The following GRIK2 variants were observed in gnomAD, a reference collection of about 807,000 sequenced individuals.
The protein encoded by GRIK2 is glutamate ionotropic receptor kainate type subunit 2.
A neutral mutation model predicts 100.3 loss-of-function variants in GRIK2; 32 were observed. That is an observed-to-expected ratio of 0.32 (90% confidence interval 0.24 to 0.43). GRIK2 has a LOEUF of 0.43. Ranked by LOEUF, GRIK2 falls within the 20% of genes least tolerant of loss-of-function variation. The pLI is 1.00. For missense variants in GRIK2, 843 were observed against 1,114.9 expected, an observed-to-expected ratio of 0.76 and a Z score of 3.47; for synonymous variants, 417 against 389.4, an observed-to-expected ratio of 1.07 and a Z score of -0.83.
At chr6:101,974,511 C>T (rs780828094) in intron 14 of GRIK2, among the ~76,000 whole-genome samples, 1 of 152,114 alleles carries the variant, frequency 6.6e-6, no homozygotes, top group Non-Finnish European at 1.5e-5. Flanking sequence ...AAAGGATTGG[C>T]TCACACAATT....
chr6:102,035,495 A>G lies in GRIK2; in HGVS notation c.2240A>G (p.Gln747Arg). Residue 747 changes from glutamine to arginine, a missense_variant, in exon 15 of 17, where the codon CAG becomes CGG. Transcript: ENST00000369134. ...MESTTIEFVT[Q>R]RNCNLTQIGG... ...TCAACAACCATCGAGTTTGTTACCC[A>G]GCGGAACTGTAACCTGACACAGATT... 6.2e-7 allele frequency: 1 copy of G among 1,610,230 alleles called. No homozygotes were observed. The highest frequency in any genetic ancestry group is 1.1e-5 in the South Asian group (1 of 90,990).
At chr6:101,701,527 TAAATC>T (rs988709276) in intron 7 of GRIK2, among the ~76,000 whole-genome samples, 7 of 152,224 alleles carry the variant, frequency 4.6e-5, no homozygotes, top group African/African-American at 1.7e-4. Context: ...ATTTTTTTAC[TAAATC>T]AAAAGGAAAA....
rs550173977 is a variant in GRIK2 at position 101,547,902 on chromosome 6, C to T, written c.116-74047C>T. Among the ~76,000 whole-genome samples, 545 of 152,254 alleles carry T rather than the reference C, an allele frequency of 3.6e-3. 2 individuals are homozygous for T. The highest frequency in any genetic ancestry group is 6.8e-3 in the Middle Eastern group (2 of 294). On this transcript the variant is annotated intron_variant, in intron 2 of 16. Coordinates refer to ENST00000369134, the MANE Select transcript of GRIK2 (RefSeq NM_021956.5). ...TCCCTGAGGAATTGCCACACTGACT[C>T]CCACAATGGTTGAACTAGTTTACAG...
At chr6:101,762,023 CTTTG>C (rs1206121586) in intron 7 of GRIK2, among the ~76,000 whole-genome samples, 14 of 88,958 alleles carry the variant, frequency 1.6e-4, no homozygotes, top group African/African-American at 2.6e-4. Flanking sequence ...CCTTTCTTTC[CTTTG>C]TTTGTTTCTT....
intron 14 of GRIK2, among the ~76,000 whole-genome samples, chr6:101,942,001 A>G (rs546398888): frequency 6.6e-6 from 1 of 152,106 alleles, no homozygotes; most frequent in Admixed American, 6.5e-5. Context: ...TTTTTTTTGT[A>G]TCTCTTACAG....
chr6:101,418,316 T>A (rs2128239617), intron 2 of GRIK2, among the ~76,000 whole-genome samples: 1 of 152,336 alleles, frequency 6.6e-6, no homozygotes, highest in East Asian at 1.9e-4. Context: ...TTTGTTGCTT[T>A]CTGGCAGTGG....
intron 14 of GRIK2, among the ~76,000 whole-genome samples, chr6:101,929,298 A>G (rs1444722260): frequency 6.6e-6 from 1 of 152,128 alleles, no homozygotes; most frequent in East Asian, 1.9e-4. Flanking sequence ...ACTGGGCCAA[A>G]GTAGACCAGT....
chr6:101,626,435 A>G lies in GRIK2; in HGVS notation c.339A>G (p.Ser113=). ...CCATCTTCGGGCCTTCACACAGCTCATCAGCAAACGCAGTGCAGTCCATCT... is the reference window on the plus strand; with the variant it reads ...CCATCTTCGGGCCTTCACACAGCTCGTCAGCAAACGCAGTGCAGTCCATCT... ...VAAIFGPSHS[S]SANAVQSICN... Residue 113 remains serine (S), a synonymous_variant, in exon 4 of 17, where the codon TCA becomes TCG. Coordinates refer to ENST00000369134, the MANE Select transcript of GRIK2 (RefSeq NM_021956.5). 1.2e-6 allele frequency: 2 copies of G among 1,613,758 alleles called. No individual in the cohort carries two copies. Among genetic ancestry groups the G allele is most frequent in the Non-Finnish European group, 1.7e-6 (2 of 1,179,806 alleles).
At chr6:102,011,605 G>T (rs1465330467) in intron 14 of GRIK2, among the ~76,000 whole-genome samples, 1 of 75,986 alleles carries the variant, frequency 1.3e-5, no homozygotes. Context: ...TTTTTTTGAG[G>T]CAGAGTCTCA....
chr6:102,030,104 A>C (rs1769906316), intron 14 of GRIK2, among the ~76,000 whole-genome samples: 1 of 151,290 alleles, frequency 6.6e-6, no homozygotes, highest in South Asian at 2.1e-4. Context: ...CAGAAAAACA[A>C]ATGCTGCATG....
At chr6:102,066,756 T>C (rs996085149) in intron 16 of GRIK2, among the ~76,000 whole-genome samples, 1 of 151,676 alleles carries the variant, frequency 6.6e-6, no homozygotes, top group African/African-American at 2.4e-5. Context: ...AGATTTGAGT[T>C]TGACTTGTTT....
At chr6:101,949,458 C>T (rs1171552409) in intron 14 of GRIK2, among the ~76,000 whole-genome samples, 1 of 152,060 alleles carries the variant, frequency 6.6e-6, no homozygotes, top group African/African-American at 2.4e-5. Flanking sequence ...GTGCTGCACC[C>T]ATCCAACCGT....
chr6:102,008,378 G>A (rs1202200649), intron 14 of GRIK2, among the ~76,000 whole-genome samples: 1 of 152,058 alleles, frequency 6.6e-6, no homozygotes, highest in Non-Finnish European at 1.5e-5. Context: ...GCTGTTTGAT[G>A]GAACCAATTT....
chr6:101,950,985 C>A (rs1439453097), intron 14 of GRIK2, among the ~76,000 whole-genome samples: 1 of 152,060 alleles, frequency 6.6e-6, no homozygotes, highest in Non-Finnish European at 1.5e-5. Context: ...AAAGTTTAAG[C>A]GTCATTGTAG....
intron 1 of GRIK2, among the ~76,000 whole-genome samples, 67 bp downstream of exon 1, chr6:101,393,904 G>A (rs191485996): frequency 3.3e-5 from 5 of 151,876 alleles, no homozygotes; most frequent in African/African-American, 1.2e-4. Context: ...TCAAGAGGAC[G>A]GGAGGGACTG....
intron 2 of GRIK2, among the ~76,000 whole-genome samples, chr6:101,561,146 C>T (rs1285581347): frequency 6.6e-6 from 1 of 152,080 alleles, no homozygotes; most frequent in Non-Finnish European, 1.5e-5. Context: ...AAAAAAGTCT[C>T]TTAGGAAGCT....
At chr6:101,911,933 A>G (rs148613661) in intron 12 of GRIK2, among the ~76,000 whole-genome samples, 3 of 151,552 alleles carry the variant, frequency 2.0e-5, no homozygotes, top group Non-Finnish European at 4.4e-5. Flanking sequence ...TTACCCTTGT[A>G]ATGTCTACCC....
intron 7 of GRIK2, among the ~76,000 whole-genome samples, chr6:101,691,812 G>A (rs940044677): frequency 1.3e-5 from 2 of 151,920 alleles, no homozygotes; most frequent in Non-Finnish European, 2.9e-5. Flanking sequence ...AAATAAAAAT[G>A]AGCATCTTGT....
At chr6:101,704,527 A>G (rs17336150) in intron 7 of GRIK2, among the ~76,000 whole-genome samples, 2,756 of 151,976 alleles carry the variant, frequency 0.018, 63 homozygotes, top group African/African-American at 0.055. Flanking sequence ...AATGTGTACC[A>G]TACTATTATT....
Sources: allele counts gnomAD v4.1 joint callset (sites outside exome capture counted in the v4.1 genomes callset), GRCh38; gene constraint gnomAD v4.1.1; transcripts MANE v1.5; gene names NCBI Gene and HGNC (gene_info 2026-07-23, HGNC 2026-07-21).